MAP3K5: variants seen among roughly 807,000 people sequenced by gnomAD.
MAP3K5 encodes the protein mitogen-activated protein kinase kinase kinase 5, also known as ASK-1.
MAP3K5 carries 56 observed loss-of-function variants against 158.7 expected under a neutral mutation model. The observed-to-expected ratio is 0.35, with a 90% CI of 0.28 to 0.44. The LOEUF is 0.44. MAP3K5 is among the 20% of genes least tolerant of loss of function. MAP3K5 has a pLI of 1.00. For synonymous variants in MAP3K5, 579 were observed against 601.7 expected, an observed-to-expected ratio of 0.96 and a Z score of 0.55; for missense variants, 1,294 against 1,674.8, an observed-to-expected ratio of 0.77 and a Z score of 3.97.
At chr6:136,586,545 A>G (rs1775149611) in intron 23 of MAP3K5, among the ~76,000 whole-genome samples, 1 of 152,198 alleles carries the variant, frequency 6.6e-6, no homozygotes, top group African/African-American at 2.4e-5. Context: ...TTCAAAAACA[A>G]GCATCTTGGC....
At chr6:136,736,676 G>A (rs529328098) in intron 1 of MAP3K5, among the ~76,000 whole-genome samples, 2 of 151,824 alleles carry the variant, frequency 1.3e-5, no homozygotes, top group Admixed American at 6.6e-5. Context: ...AAAGGAATTC[G>A]CATACTCTAG....
At chr6:136,637,531 C>T (rs1392054737) in intron 13 of MAP3K5, 125 bp from the exon 14 acceptor site, 1 of 653,270 alleles carries the variant, frequency 1.5e-6, no homozygotes, top group South Asian at 1.9e-5. Context: ...CAGGCAATAA[C>T]ACACTATCAA....
rs111548135 is a variant in MAP3K5, at chr6:136,678,837, T to C, written c.1254-9442A>G. Among the ~76,000 whole-genome samples, 195 of 152,280 alleles carry C rather than the reference T, an allele frequency of 1.3e-3. 1 individual carries two copies. Among genetic ancestry groups the C allele is most frequent in the African/African-American group, 4.5e-3 (187 of 41,570 alleles). On this transcript the variant is annotated intron_variant, in intron 7 of 29. Transcript: ENST00000359015. ...GCCTCCCAGGTTCAAGCAATTCTCC[T>C]GCCTCAGCCTCCCGAGTAGCTGGGA...
Position 136,592,576 on chromosome 6 carries a change from C to G in MAP3K5, c.2917G>C (p.Val973Leu). The change falls in exon 22 of 30, where the codon GTG (valine) becomes CTG (leucine). Residue 973 changes from valine (V) to leucine (L), a missense_variant. By Grantham distance (32) the Val-to-Leu change is conservative. Coordinates refer to ENST00000359015, the MANE Select transcript of MAP3K5 (RefSeq NM_005923.4). ...RSISLPVPVL[V>L]EDTSSSSEYG... Reference sequence around the variant, plus strand: ...TCACTGCTGCTGCTGGTGTCCTCCACCAGCACAGGTACCGGCAAGGATATA... The same window carrying G: ...TCACTGCTGCTGCTGGTGTCCTCCAGCAGCACAGGTACCGGCAAGGATATA... 4 of 1,613,920 alleles carry G rather than the reference C, an allele frequency of 2.5e-6. No homozygotes were observed. Among genetic ancestry groups the G allele is most frequent in the Non-Finnish European group, 3.4e-6 (4 of 1,179,968 alleles).
At chr6:136,779,483 T>C (rs895713951) in intron 1 of MAP3K5, among the ~76,000 whole-genome samples, 4 of 149,132 alleles carry the variant, frequency 2.7e-5, no homozygotes, top group Non-Finnish European at 5.9e-5. Context: ...GTCATACATA[T>C]AGTGTGATAG....
At chr6:136,721,564 G>T (rs796189189) in intron 1 of MAP3K5, among the ~76,000 whole-genome samples, 28 of 152,198 alleles carry the variant, frequency 1.8e-4, no homozygotes, top group African/African-American at 6.0e-4. Flanking sequence ...ACAAAAATAT[G>T]AAAGAAAAAC....
intron 1 of MAP3K5, among the ~76,000 whole-genome samples, chr6:136,761,683 G>C (rs911413242): frequency 6.6e-6 from 1 of 152,182 alleles, no homozygotes; most frequent in African/African-American, 2.4e-5. Flanking sequence ...TTGTGAGAGG[G>C]GCTGCGATGA....
intron 1 of MAP3K5, among the ~76,000 whole-genome samples, chr6:136,726,761 A>C (rs1781986668): frequency 6.6e-6 from 1 of 152,224 alleles, no homozygotes; most frequent in South Asian, 2.1e-4. Flanking sequence ...AAAAATTTCA[A>C]ATCACAATTG....
At chr6:136,736,114 G>A (rs1401054592) in intron 1 of MAP3K5, among the ~76,000 whole-genome samples, 1 of 152,068 alleles carries the variant, frequency 6.6e-6, no homozygotes, top group Non-Finnish European at 1.5e-5. Context: ...AGCTAGTTTG[G>A]AGGGTTTTCC....
intron 2 of MAP3K5, among the ~76,000 whole-genome samples, chr6:136,715,771 C>T (rs1301024216): frequency 6.6e-6 from 1 of 152,030 alleles, no homozygotes; most frequent in East Asian, 1.9e-4. Flanking sequence ...TGGTTCACAC[C>T]TGTAATCCCA....
chr6:136,758,213 T>C (rs1783590983), intron 1 of MAP3K5, among the ~76,000 whole-genome samples: 1 of 152,208 alleles, frequency 6.6e-6, no homozygotes, highest in Non-Finnish European at 1.5e-5. Flanking sequence ...TTCATGCCTT[T>C]TAAAAGTAAT....
chr6:136,616,264 G>A (rs968795469), intron 15 of MAP3K5, among the ~76,000 whole-genome samples: 1 of 149,222 alleles, frequency 6.7e-6, no homozygotes, highest in African/African-American at 2.5e-5. Context: ...TTCCATGAGG[G>A]TTAAAACACT....
chr6:136,730,151 TTG>T (rs1491327428), intron 1 of MAP3K5, among the ~76,000 whole-genome samples: 2 of 97,816 alleles, frequency 2.0e-5, no homozygotes, highest in Non-Finnish European at 3.6e-5. Context: ...TGTTGTTTGG[TTG>T]TTTTTTTTTT....
At chr6:136,703,256 AT>A (rs1780930496) in intron 3 of MAP3K5, among the ~76,000 whole-genome samples, 1 of 152,086 alleles carries the variant, frequency 6.6e-6, no homozygotes, top group African/African-American at 2.4e-5. Flanking sequence ...AATGTACAAT[AT>A]TTGGTTCTTT....
At chr6:136,567,919 A>G (rs749067957) in intron 25 of MAP3K5, 45 bp from the exon 26 acceptor site, 1 of 1,583,058 alleles carries the variant, frequency 6.3e-7, no homozygotes, top group South Asian at 1.1e-5. Flanking sequence ...AATATGACTC[A>G]TTGCCTTAAT....
intron 1 of MAP3K5, among the ~76,000 whole-genome samples, chr6:136,784,733 GA>G (rs1784767980): frequency 6.6e-6 from 1 of 152,128 alleles, no homozygotes; most frequent in Non-Finnish European, 1.5e-5. Flanking sequence ...GGAGAAATGG[GA>G]AAAATAAATA....
intron 7 of MAP3K5, among the ~76,000 whole-genome samples, chr6:136,673,515 T>C (rs1193810881): frequency 6.6e-6 from 1 of 151,352 alleles, no homozygotes; most frequent in Non-Finnish European, 1.5e-5. Context: ...AAAGATAAAA[T>C]GGATAAAAGA....
intron 23 of MAP3K5, among the ~76,000 whole-genome samples, chr6:136,588,811 C>T (rs555258013): frequency 1.6e-4 from 25 of 152,296 alleles, no homozygotes; most frequent in African/African-American, 4.3e-4. Context: ...TCCACCGCCA[C>T]GAAGCATGCA....
intron 21 of MAP3K5, among the ~76,000 whole-genome samples, chr6:136,594,443 G>A (rs143479700): frequency 6.6e-6 from 1 of 152,130 alleles, no homozygotes; most frequent in African/African-American, 2.4e-5. Flanking sequence ...ACGGACTTTA[G>A]AACAGAAAAA....
Sources: gnomAD v4.1 joint callset for allele counts (sites outside exome capture counted in the v4.1 genomes callset) on GRCh38, gnomAD v4.1.1 for gene constraint, MANE v1.5 for transcripts, NCBI Gene and HGNC (gene_info 2026-07-23, HGNC 2026-07-21) for gene names.